STYX: variants seen among roughly 807,000 people sequenced by gnomAD.
The protein encoded by STYX is serine/threonine/tyrosine interacting protein, also known as serine/threonine/tyrosine-interacting protein.
Under a neutral mutation model 42.7 loss-of-function variants are expected in STYX, and 20 were observed. The ratio of observed to expected loss-of-function variants is 0.47; its 90% CI spans 0.33 to 0.68. The LOEUF (loss-of-function observed/expected upper bound fraction) is 0.68, where lower values mean the gene tolerates loss of function less well. STYX is among the 30% of genes least tolerant of loss of function. The pLI is 0.02. For synonymous variants in STYX, 78 were observed against 81.9 expected, an observed-to-expected ratio of 0.95 and a Z score of 0.26; for missense variants, 226 against 268.5, an observed-to-expected ratio of 0.84 and a Z score of 1.11.
Position 52,744,895 on chromosome 14 carries a change from C to A in STYX, c.90+11C>A, listed in dbSNP as rs2139893852. On this transcript the variant is annotated intron_variant, in intron 2 of 10. Coordinates refer to ENST00000354586, the MANE Select transcript of STYX (RefSeq NM_145251.4). ...AGACGAGAGATGCAGGTATGGCAAC[C>A]TTTTCTTTGTTCAAACCAACCCATG... is the stretch of plus-strand genomic sequence containing the variant. 1.2e-6 allele frequency: 2 copies of A among 1,612,560 alleles called. No homozygotes were observed. The highest frequency in any genetic ancestry group is 2.7e-5 in the African/African-American group (2 of 74,900).
rs927341638 is a variant in STYX at position 52,773,506 on chromosome 14, T to G, written c.*2400T>G. 6.6e-6 allele frequency: 1 copy of G among 151,736 alleles called. No individual in the cohort carries two copies. Among genetic ancestry groups the G allele is most frequent in the Non-Finnish European group, 1.5e-5 (1 of 67,978 alleles). The allele number at this position is 151,736 out of a possible 1,614,324, so 9.4% of individuals were successfully genotyped here. A position where few individuals can be genotyped will look rare whatever the true frequency, so the allele number is the denominator to read the frequency against. ...GCACATGCCACCATGCCTGGCTAAT[T>G]TTTGTAGTTTTAGTAGAGATGGGGT... On this transcript the variant is annotated 3_prime_UTR_variant, in exon 11 of 11. Transcript: ENST00000354586.
intron 1 of STYX, among the ~76,000 whole-genome samples, chr14:52,731,872 AG>A (rs1880719073): frequency 6.7e-6 from 1 of 149,344 alleles, no homozygotes; most frequent in African/African-American, 2.5e-5. Flanking sequence ...GGTTCACTGC[AG>A]TCTCGAACTC....
At chr14:52,748,926 C>T (rs1263531198) in intron 3 of STYX, among the ~76,000 whole-genome samples, 2 of 152,216 alleles carry the variant, frequency 1.3e-5, no homozygotes, top group Admixed American at 1.3e-4. Flanking sequence ...AAGTTATACT[C>T]AAGAAATACA....
In STYX at chr14:52,758,639, G is replaced by C. The variant is rs552996108; in HGVS notation, c.431+715G>C. ...TTGGCAGGCTGGAGTGCAGTGGTGC[G>C]ATCTCAGCTCACTGCAACCCCCGCC... is the stretch of plus-strand genomic sequence containing the variant. On this transcript the variant is annotated intron_variant, in intron 8 of 10. Transcript: ENST00000354586. Among the ~76,000 whole-genome samples the C allele has an allele frequency of 2.6e-5, 4 of 151,996 alleles. No individual in the cohort carries two copies. In the South Asian group the frequency reaches 8.3e-4, roughly 32 times the overall value.
chr14:52,757,691 A>G, intron 6 of STYX, 52 bp from the exon 7 acceptor site: 3 of 1,545,640 alleles, frequency 1.9e-6, no homozygotes, highest in Non-Finnish European at 2.7e-6. Flanking sequence ...AATGTAGTTC[A>G]GCTACTGACT....
At chr14:52,752,878 T>TG (rs1881681438) in intron 4 of STYX, among the ~76,000 whole-genome samples, 1 of 132,058 alleles carries the variant, frequency 7.6e-6, no homozygotes, top group African/African-American at 2.8e-5. Context: ...TTTTTGTTGT[T>TG]GTTGTTTTTT....
chr14:52,768,740 A>G lies in STYX; in HGVS notation c.505-100A>G, dbSNP rs557354317. 1.1e-4 allele frequency: 86 copies of G among 756,086 alleles called. 3 individuals carry two copies. In the South Asian group the frequency reaches 2.2e-3, roughly 19 times the overall value. The allele number at this position is 756,086 out of a possible 1,614,324, so 46.8% of individuals were successfully genotyped here. A position where few individuals can be genotyped will look rare whatever the true frequency, so the allele number is the denominator to read the frequency against. On this transcript the variant is annotated intron_variant, in intron 9 of 10. Transcript: ENST00000354586. ...AAACAATATGGCACTAGATTTTTCA[A>G]TACAGATGAAGAATACCAACAGTGT...
chr14:52,737,914 T>G (rs976869043), intron 1 of STYX, among the ~76,000 whole-genome samples: 1 of 152,182 alleles, frequency 6.6e-6, no homozygotes, highest in Non-Finnish European at 1.5e-5. Flanking sequence ...TAGCTGGGAC[T>G]ACAGGCGCCC....
chr14:52,738,170 G>A (rs1408159180), intron 1 of STYX, among the ~76,000 whole-genome samples: 1 of 152,186 alleles, frequency 6.6e-6, no homozygotes, highest in African/African-American at 2.4e-5. Context: ...GATAACACCA[G>A]GAATAGTTCC....
At chr14:52,738,274 T>C (rs1445615804) in intron 1 of STYX, among the ~76,000 whole-genome samples, 1 of 152,240 alleles carries the variant, frequency 6.6e-6, no homozygotes, top group Non-Finnish European at 1.5e-5. Flanking sequence ...AGGCTTCTTA[T>C]CTGTCCTGTG....
Position 52,730,460 on chromosome 14 carries a change from C to G in STYX, c.-15C>G, listed in dbSNP as rs1158617579. On this transcript the variant is annotated 5_prime_UTR_variant, in exon 1 of 11. Transcript: ENST00000354586. ...ACACTCTCCCACCCCACCCACCAGC[C>G]CGCGGGCCAGCACCATGGAGGACGT... 6.2e-7 allele frequency: 1 copy of G among 1,613,302 alleles called. No homozygotes were observed. The highest frequency in any genetic ancestry group is 8.5e-7 in the Non-Finnish European group (1 of 1,179,728).
chr14:52,750,849 G>A (rs1390820040), intron 4 of STYX, 69 bp downstream of exon 4: 3 of 1,054,634 alleles, frequency 2.8e-6, no homozygotes, highest in Non-Finnish European at 2.8e-6. Context: ...ACCATCAGTT[G>A]TTTCTGTACA....
At chr14:52,733,716 G>A (rs556751270) in intron 1 of STYX, among the ~76,000 whole-genome samples, 87 of 152,130 alleles carry the variant, frequency 5.7e-4, no homozygotes, top group Non-Finnish European at 1.0e-3. Flanking sequence ...GGGGGAAGGG[G>A]CACACCACCA....
chr14:52,759,920 G>A (rs1398028777), intron 9 of STYX, among the ~76,000 whole-genome samples, 166 bp downstream of exon 9: 1 of 152,090 alleles, frequency 6.6e-6, no homozygotes, highest in Non-Finnish European at 1.5e-5. Context: ...TTTCTTGGCT[G>A]GGTGTGGTGG....
intron 4 of STYX, among the ~76,000 whole-genome samples, chr14:52,752,505 A>G (rs1450121945): frequency 1.3e-5 from 2 of 152,162 alleles, no homozygotes; most frequent in Non-Finnish European, 2.9e-5. Flanking sequence ...TTATTTTTAC[A>G]ATGAAACCAA....
intron 8 of STYX, among the ~76,000 whole-genome samples, chr14:52,758,663 C>A (rs1410564060): frequency 6.6e-6 from 1 of 152,062 alleles, no homozygotes; most frequent in Non-Finnish European, 1.5e-5. Flanking sequence ...GCAACCCCCG[C>A]CTCCCAGATT....
intron 1 of STYX, among the ~76,000 whole-genome samples, chr14:52,731,211 A>C (rs998190797): frequency 6.6e-6 from 1 of 152,134 alleles, no homozygotes; most frequent in Non-Finnish European, 1.5e-5. Flanking sequence ...TTGCTAGTTT[A>C]ACATTTTACG....
At chr14:52,744,929 A>G in intron 2 of STYX, 45 bp downstream of exon 2, 3 of 1,590,958 alleles carry the variant, frequency 1.9e-6, no homozygotes, top group African/African-American at 1.3e-5. Flanking sequence ...TGTTATTATC[A>G]TAATAAGAAC....
intron 10 of STYX, 86 bp from the exon 11 acceptor site, chr14:52,770,947 C>G: frequency 8.3e-7 from 1 of 1,211,278 alleles, no homozygotes; most frequent in Non-Finnish European, 1.2e-6. Flanking sequence ...TATACATGAT[C>G]ACTTAATAAC....
Sources: gnomAD v4.1 joint callset for allele counts (sites outside exome capture counted in the v4.1 genomes callset) on GRCh38, gnomAD v4.1.1 for gene constraint, MANE v1.5 for transcripts, NCBI Gene and HGNC (gene_info 2026-07-23, HGNC 2026-07-21) for gene names.